The following SERPINF2 variants were observed in gnomAD, a reference collection of about 807,000 sequenced individuals.
SERPINF2 encodes serpin family F member 2, also known as alpha-2-antiplasmin.
A neutral mutation model predicts 45.0 loss-of-function variants in SERPINF2; 15 were observed. The observed-to-expected ratio is 0.33, with a 90% CI of 0.22 to 0.51. The LOEUF (loss-of-function observed/expected upper bound fraction) is 0.51, where lower values mean the gene tolerates loss of function less well. Ranked by LOEUF, SERPINF2 falls within the 20% of genes least tolerant of loss-of-function variation. The pLI is 0.97. For synonymous variants in SERPINF2, 283 were observed against 277.9 expected (o/e 1.02, Z -0.18); for missense variants, 518 against 637.4 (o/e 0.81, Z 2.02).
In SERPINF2 at chr17:1,748,845, T is replaced by G. The variant is rs565481095; in HGVS notation, c.858+105T>G. 3.9e-6 allele frequency: 3 copies of G among 775,574 alleles called. No homozygotes were observed. In the Admixed American group the frequency reaches 5.1e-5, roughly 13 times the overall value. 48.0% of individuals were successfully genotyped at this position (775,574 alleles called of 1,614,324 possible). ...GGGATGGGTGGAGGCTGTCTCGCCT[T>G]CCTTGCCTCCACGTCCCCTAGGCAG... On this transcript the variant is annotated intron_variant, in intron 8 of 9. Transcript: ENST00000453066.
At chr17:1,749,617 C>T (rs1906182211) in intron 8 of SERPINF2, among the ~76,000 whole-genome samples, 1 of 152,064 alleles carries the variant, frequency 6.6e-6, no homozygotes, top group Non-Finnish European at 1.5e-5. Context: ...AAAGGCTGGC[C>T]TTGAACTCCT....
chr17:1,748,452 G>A (rs543915866), intron 7 of SERPINF2, 146 bp from the exon 8 acceptor site: 57 of 997,232 alleles, frequency 5.7e-5, no homozygotes, highest in South Asian at 1.7e-4. Context: ...GGCCTCCACC[G>A]CTGTCTCATC....
intron 1 of SERPINF2, among the ~76,000 whole-genome samples, chr17:1,743,420 G>A (rs1271349622): frequency 1.3e-5 from 2 of 152,196 alleles, no homozygotes; most frequent in Non-Finnish European, 2.9e-5. Flanking sequence ...ACCAGCCTGA[G>A]AAAGACGGGT....
rs777745924 is a variant in SERPINF2 at position 1,745,826 on chromosome 17, C to A, written c.284C>A (p.Ser95Tyr). Residue 95 changes from serine (S) to tyrosine (Y), a missense_variant, in exon 5 of 10, where the codon TCC (serine) becomes TAC (tyrosine). Ser to Tyr is a moderately radical substitution (Grantham distance 144). Around this residue, in one of 2 missense-constraint regions of SERPINF2, gnomAD observed 435 missense variants for 577.3 expected, o/e 0.75. Transcript: ENST00000453066. This position sits in a 1 kb window ranked among gnomAD's most constrained non-coding sequence, Gnocchi z 6.2. Reference sequence around the variant, plus strand: ...ATGGCCTTCACTGCCGACCTGTTCTCCCTGGTGGCTCAAACGTCCACCTGC... The same window carrying A: ...ATGGCCTTCACTGCCGACCTGTTCTACCTGGTGGCTCAAACGTCCACCTGC... Reference protein sequence around the residue: ...AMMAFTADLFSLVAQTSTCPN... With the variant: ...AMMAFTADLFYLVAQTSTCPN... 12 of 1,614,056 alleles carry A rather than the reference C, an allele frequency of 7.4e-6. No individual in the cohort carries two copies. The South Asian group carries it at 1.1e-4, about 15-fold the overall frequency.
At chr17:1,743,543 C>G (rs1905491070) in intron 1 of SERPINF2, among the ~76,000 whole-genome samples, 1 of 151,446 alleles carries the variant, frequency 6.6e-6, no homozygotes, top group African/African-American at 2.4e-5. Flanking sequence ...TGGAGAAACC[C>G]TGTCTCTACT....
At chr17:1,746,953 C>CCCG in intron 5 of SERPINF2, 66 bp from the exon 6 acceptor site, 11 of 1,575,884 alleles carry the variant, frequency 7.0e-6, no homozygotes, top group Non-Finnish European at 9.4e-6. Context: ...CCAGGAGGGA[C>CCCG]TGGAGTGGGC....
Position 1,742,918 on chromosome 17 carries a change from G to A in SERPINF2, c.-5+10G>A, listed in dbSNP as rs1243952269. On this transcript the variant is annotated intron_variant, in intron 1 of 9. Transcript: ENST00000453066. ...CAAGGAGCCCGCAGAGGTATGAGGG[G>A]AGGGGCTGCTCGGCCTGCTCCTTGG... The A allele has an allele frequency of 1.2e-5, 12 of 985,378 alleles. No homozygotes were observed. Among genetic ancestry groups the A allele is most frequent in the Non-Finnish European group, 1.4e-5 (12 of 830,060 alleles). 61.0% of individuals were successfully genotyped at this position (985,378 alleles called of 1,614,324 possible). A position where few individuals can be genotyped will look rare whatever the true frequency, so the allele number is the denominator to read the frequency against.
chr17:1,743,142 G>C, intron 1 of SERPINF2: 1 of 978,642 alleles, frequency 1.0e-6, no homozygotes, highest in Non-Finnish European at 1.2e-6. Context: ...GGGACCAAAG[G>C]ATCCTCCAGA....
chr17:1,744,205 G>T (rs930011632), intron 1 of SERPINF2, among the ~76,000 whole-genome samples: 1 of 150,818 alleles, frequency 6.6e-6, no homozygotes, highest in Non-Finnish European at 1.5e-5. Flanking sequence ...CACAAAGATG[G>T]TCTTTTGCCG....
chr17:1,748,317 A>G (rs964902857), intron 7 of SERPINF2, among the ~76,000 whole-genome samples: 1 of 148,884 alleles, frequency 6.7e-6, no homozygotes, highest in Non-Finnish European at 1.5e-5. Context: ...AAAAAAAAAA[A>G]GATCCAGGAG....
At chr17:1,747,859 C>T (rs999964227) in intron 7 of SERPINF2, among the ~76,000 whole-genome samples, 11 of 151,896 alleles carry the variant, frequency 7.2e-5, no homozygotes, top group Non-Finnish European at 1.3e-4. Context: ...CCACCGCGCC[C>T]GGCCATGCAG....
rs1466138935 is a variant in SERPINF2 at position 1,752,599 on chromosome 17, C to G, written c.872C>G (p.Pro291Arg). 6.2e-7 allele frequency: 1 copy of G among 1,614,126 alleles called. No homozygotes were observed. Among genetic ancestry groups the G allele is most frequent in the East Asian group, 2.2e-5 (1 of 44,880 alleles). ...EQPEIQVAHF[P>R]FKNNMSFVVL... The stretch of plus-strand genomic sequence containing the variant: ...CCTTTTCTGTAGGTGGCTCATTTCC[C>G]CTTTAAGAACAACATGAGCTTTGTG... The change falls in exon 9 of 10, where the codon CCC (proline) becomes CGC (arginine). Residue 291 changes from proline to arginine, a missense_variant. Physicochemically the swap from Pro to Arg is moderately radical, Grantham distance 103. Transcript: ENST00000453066.
In SERPINF2 at chr17:1,747,180, G is replaced by T. The variant is rs1268512653; in HGVS notation, c.511+18G>T. ...GCAGAAAGGTAGGCGCTGATGGCAG[G>T]GAGCTCCCTCAGTCCTGCCCTGGGT... On this transcript the variant is annotated intron_variant, in intron 6 of 9. Coordinates refer to ENST00000453066, the MANE Select transcript of SERPINF2 (RefSeq NM_000934.4). 6.2e-7 allele frequency: 1 copy of T among 1,611,966 alleles called. No individual in the cohort carries two copies. The highest frequency in any genetic ancestry group is 1.7e-4 in the Middle Eastern group (1 of 6,052).
chr17:1,751,970 G>A (rs576056786), intron 8 of SERPINF2, among the ~76,000 whole-genome samples: 1 of 138,714 alleles, frequency 7.2e-6, no homozygotes, highest in African/African-American at 2.4e-5. Flanking sequence ...CGGGTCACAC[G>A]GCCAGCTGGT....
At chr17:1,743,126 G>A in intron 1 of SERPINF2, 1 of 983,058 alleles carries the variant, frequency 1.0e-6, no homozygotes, top group Non-Finnish European at 1.2e-6. Context: ...TGGGGGTGGG[G>A]CCGGGGGGAC....
At chr17:1,746,651 T>A (rs534449986) in intron 5 of SERPINF2, among the ~76,000 whole-genome samples, 118 of 152,172 alleles carry the variant, frequency 7.8e-4, no homozygotes, top group African/African-American at 2.7e-3. Flanking sequence ...GGTCTCGAAC[T>A]CTCGACCTAA....
At chr17:1,751,258 G>T (rs1702270915) in intron 8 of SERPINF2, among the ~76,000 whole-genome samples, 1 of 152,006 alleles carries the variant, frequency 6.6e-6, no homozygotes, top group Non-Finnish European at 1.5e-5. Context: ...AGACCAGCCT[G>T]GCCCACATGG....
intron 8 of SERPINF2, among the ~76,000 whole-genome samples, chr17:1,750,099 G>C (rs1178420357): frequency 6.6e-6 from 1 of 151,440 alleles, no homozygotes; most frequent in Non-Finnish European, 1.5e-5. Flanking sequence ...TCAACCTCTC[G>C]AGTAGCTGGA....
At position 1,745,449 on chromosome 17, in the gene SERPINF2, C is replaced by T; in HGVS notation, c.165+54C>T. 3 of 1,205,278 alleles carry T rather than the reference C, an allele frequency of 2.5e-6. No homozygotes were observed. The highest frequency in any genetic ancestry group is 3.4e-6 in the Non-Finnish European group (3 of 871,278). 74.7% of individuals were successfully genotyped at this position (1,205,278 alleles called of 1,614,324 possible). A position where few individuals can be genotyped will look rare whatever the true frequency, so the allele number is the denominator to read the frequency against. ...GGGCGGGGCTAGAGGGAGGAGGGCC[C>T]ATCGGCAGGGGTCGGGGGGTGGGGG... On this transcript the variant is annotated intron_variant, in intron 4 of 9. Coordinates refer to ENST00000453066, the MANE Select transcript of SERPINF2 (RefSeq NM_000934.4). The surrounding 1 kb of genome is among the most constrained non-coding windows in gnomAD (Gnocchi z 6.2).
Sources: allele counts gnomAD v4.1 joint callset (sites outside exome capture counted in the v4.1 genomes callset), GRCh38; gene constraint gnomAD v4.1.1; regional missense constraint gnomAD v4.1.1; non-coding constraint Gnocchi (gnomAD v3.1); transcripts MANE v1.5; gene names NCBI Gene and HGNC (gene_info 2026-07-23, HGNC 2026-07-21).